Variants in LRRC18 observed in about 807,000 individuals in gnomAD.
LRRC18 encodes leucine rich repeat containing 18.
In LRRC18, 12 loss-of-function variants were observed where a neutral mutation model predicts 11.2. That is an observed-to-expected ratio of 1.07 (90% CI 0.69 to 1.74). The LOEUF is 1.74. LRRC18 is among the 40% of genes most tolerant of loss of function. The pLI, the probability that LRRC18 is intolerant of heterozygous loss-of-function variation, is 0.00. For missense variants in LRRC18, 374 were observed against 330.5 expected, an observed-to-expected ratio of 1.13 and a Z score of -1.02; for synonymous variants, 155 against 130.6, an observed-to-expected ratio of 1.19 and a Z score of -1.27.
chr10:48,923,489 G>A, the LRRC18 span, among the ~76,000 whole-genome samples: 2 of 55,710 alleles, frequency 3.6e-5, 1 homozygote, highest in African/African-American at 1.0e-4. Context: ...ACAACAAATA[G>A]TTTTTAGTAT....
chr10:48,911,831 AT>A (rs1201628397), intron 1 of LRRC18, among the ~76,000 whole-genome samples: 1 of 152,232 alleles, frequency 6.6e-6, no homozygotes, highest in Non-Finnish European at 1.5e-5. Context: ...TAAAATGAAA[AT>A]TTTGAATCTA....
intron 1 of LRRC18, among the ~76,000 whole-genome samples, chr10:48,913,065 G>A (rs755836148): frequency 1.3e-5 from 2 of 152,122 alleles, no homozygotes; most frequent in East Asian, 1.9e-4. Context: ...AGTGTGTGGC[G>A]GCATTAGCTG....
upstream of LRRC18, among the ~76,000 whole-genome samples, chr10:48,917,410 G>A (rs778279148): frequency 3.3e-5 from 5 of 152,174 alleles, no homozygotes; most frequent in Non-Finnish European, 5.9e-5. Flanking sequence ...GAAGCTCAGC[G>A]AACTCCAAAC....
the LRRC18 span, among the ~76,000 whole-genome samples, chr10:48,920,482 G>A: frequency 6.6e-6 from 1 of 151,806 alleles, no homozygotes; most frequent in South Asian, 2.1e-4. Flanking sequence ...TAACCTGCAC[G>A]TTGTGCACAT....
the LRRC18 span, among the ~76,000 whole-genome samples, chr10:48,925,542 G>C: frequency 6.6e-6 from 1 of 152,166 alleles, no homozygotes; most frequent in African/African-American, 2.4e-5. Flanking sequence ...TTCCTTGGGG[G>C]TATAAACATA....
At chr10:48,932,929 G>A in the LRRC18 span, among the ~76,000 whole-genome samples, 21 of 152,128 alleles carry the variant, frequency 1.4e-4, no homozygotes. Context: ...AAGGAGGGGA[G>A]GGCGAAGAGC....
chr10:48,913,494 AGGTTGTCCCG>A lies in LRRC18; in HGVS notation c.652_661del (p.Arg218Ter), dbSNP rs760729308. On this transcript the variant is annotated frameshift_variant, in exon 1 of 2. Transcript: ENST00000374160. LOFTEE classifies it high-confidence loss of function. ...CGTGGCCATGTTCTTGATTCTATTC[AGGTTGTCCCG>A]GGCGTTTTGGCATTTTCTCAGGCAA... 34 of 1,613,720 alleles carry A rather than the reference AGGTTGTCCCG, an allele frequency of 2.1e-5. No homozygotes were observed. Among genetic ancestry groups the A allele is most frequent in the Non-Finnish European group, 2.8e-5 (33 of 1,179,932 alleles).
At chr10:48,931,731 T>G in the LRRC18 span, among the ~76,000 whole-genome samples, 10 of 152,250 alleles carry the variant, frequency 6.6e-5, no homozygotes, top group African/African-American at 1.2e-4. Context: ...TGTAGAAACT[T>G]TTCCTAAATT....
the LRRC18 span, among the ~76,000 whole-genome samples, chr10:48,936,645 G>A: frequency 1.6e-4 from 24 of 151,876 alleles, no homozygotes; most frequent in East Asian, 5.8e-4. Flanking sequence ...AGACCATCCC[G>A]GCTAACACAG....
chr10:48,912,462 G>A (rs1446313950), intron 1 of LRRC18, among the ~76,000 whole-genome samples: 1 of 152,174 alleles, frequency 6.6e-6, no homozygotes, highest in East Asian at 1.9e-4. Flanking sequence ...AGAATCTTTG[G>A]CTTTTCTCTT....
the LRRC18 span, among the ~76,000 whole-genome samples, chr10:48,936,583 A>G: frequency 2.0e-5 from 3 of 147,624 alleles, no homozygotes; most frequent in Non-Finnish European, 4.5e-5. Flanking sequence ...CATGCCTGTA[A>G]TTCCAGCACT....
At chr10:48,927,897 A>G in the LRRC18 span, among the ~76,000 whole-genome samples, 7 of 152,252 alleles carry the variant, frequency 4.6e-5, no homozygotes, top group African/African-American at 1.7e-4. Context: ...CAATTAAAAT[A>G]AAATATTAAG....
exon 1 of LRRC18, chr10:48,913,698 T>A (rs1313108140): frequency 6.2e-7 from 1 of 1,612,798 alleles, no homozygotes; most frequent in Non-Finnish European, 8.5e-7. Context: ...CAGTAGGTTG[T>A]CATGGAGCCC....
chr10:48,927,262 A>T, the LRRC18 span, among the ~76,000 whole-genome samples: 1 of 151,998 alleles, frequency 6.6e-6, no homozygotes, highest in East Asian at 1.9e-4. Flanking sequence ...CCTCAGACCC[A>T]TGCTAAGAGG....
At chr10:48,939,127 G>A in the LRRC18 span, among the ~76,000 whole-genome samples, 1 of 152,284 alleles carries the variant, frequency 6.6e-6, no homozygotes, top group Admixed American at 6.5e-5. Context: ...AGGTTCCCAG[G>A]TTGCACAATT....
At chr10:48,917,221 A>G (rs940513947), upstream of LRRC18, among the ~76,000 whole-genome samples, 16 of 152,204 alleles carry the variant, frequency 1.1e-4, no homozygotes, top group Non-Finnish European at 1.8e-4. Context: ...TATTTCTCAG[A>G]AAGTATTCAC....
At chr10:48,930,742 AT>A in the LRRC18 span, among the ~76,000 whole-genome samples, 5 of 152,240 alleles carry the variant, frequency 3.3e-5, no homozygotes, top group Non-Finnish European at 7.3e-5. Context: ...TGATTAAATA[AT>A]TAATGTGTAA....
At chr10:48,935,096 A>G in the LRRC18 span, 2 of 152,272 alleles carry the variant, frequency 1.3e-5, no homozygotes, top group African/African-American at 4.8e-5. Context: ...GGAGAAAGAG[A>G]AAAAGTAGAG....
At chr10:48,917,993 A>G (rs923020830), upstream of LRRC18, among the ~76,000 whole-genome samples, 6 of 152,238 alleles carry the variant, frequency 3.9e-5, no homozygotes, top group African/African-American at 1.4e-4. Context: ...AGGGTTTTAC[A>G]CTGCTTTTGA....
Sources: allele counts gnomAD v4.1 joint callset (sites outside exome capture counted in the v4.1 genomes callset), GRCh38; gene constraint gnomAD v4.1.1; transcripts MANE v1.5; gene names NCBI Gene and HGNC (gene_info 2026-07-23, HGNC 2026-07-21).